RAD51B: variants seen among roughly 807,000 people sequenced by gnomAD.
RAD51B encodes DNA repair protein RAD51 homolog 2.
In RAD51B, 38 loss-of-function variants were observed where a neutral mutation model predicts 42.2. That is an observed-to-expected ratio of 0.90 (90% CI 0.70 to 1.18). The LOEUF (loss-of-function observed/expected upper bound fraction) is 1.18. RAD51B is among the 50% of genes most tolerant of loss of function. The pLI, the probability that RAD51B is intolerant of heterozygous loss-of-function variation, is 0.00. For synonymous variants in RAD51B, 154 were observed against 145.2 expected, an observed-to-expected ratio of 1.06 and a Z score of -0.43; for missense variants, 373 against 400.7, an observed-to-expected ratio of 0.93 and a Z score of 0.59.
intron 7 of RAD51B, among the ~76,000 whole-genome samples, chr14:68,208,286 A>G (rs2079635536): frequency 6.6e-6 from 1 of 152,200 alleles, no homozygotes; most frequent in East Asian, 1.9e-4. Context: ...TAAAGGTTAT[A>G]GTAATGGTAA....
chr14:68,562,290 T>C, intron 10 of RAD51B: 2 of 985,398 alleles, frequency 2.0e-6, no homozygotes, highest in Non-Finnish European at 2.4e-6. Flanking sequence ...AAAATGCCAC[T>C]TTTGAACGCC....
chr14:68,151,516 C>T (rs887666376), intron 7 of RAD51B, among the ~76,000 whole-genome samples: 1 of 151,988 alleles, frequency 6.6e-6, no homozygotes, highest in Non-Finnish European at 1.5e-5. Context: ...TCTACCTTCT[C>T]ATCTTTGGGG....
intron 7 of RAD51B, among the ~76,000 whole-genome samples, chr14:68,172,404 A>C (rs1191674454): frequency 6.6e-6 from 1 of 152,234 alleles, no homozygotes; most frequent in Non-Finnish European, 1.5e-5. Context: ...GGCCCAATTC[A>C]TAATTTCTAT....
intron 7 of RAD51B, among the ~76,000 whole-genome samples, chr14:68,094,659 T>A (rs2077162011): frequency 6.6e-6 from 1 of 152,140 alleles, no homozygotes; most frequent in Non-Finnish European, 1.5e-5. Context: ...AACAGAGGCC[T>A]TGGACAGACT....
At chr14:68,187,838 G>A (rs984138408) in intron 7 of RAD51B, among the ~76,000 whole-genome samples, 1 of 151,962 alleles carries the variant, frequency 6.6e-6, no homozygotes, top group Non-Finnish European at 1.5e-5. Context: ...TTTTTGAGGT[G>A]AAGTCTTGCT....
At chr14:68,410,021 T>C (rs1019035335) in intron 8 of RAD51B, among the ~76,000 whole-genome samples, 2 of 152,150 alleles carry the variant, frequency 1.3e-5, no homozygotes, top group African/African-American at 4.8e-5. Flanking sequence ...GAAATAGATA[T>C]ATATGGTTGG....
chr14:68,363,129 G>A (rs1191128141), intron 8 of RAD51B, among the ~76,000 whole-genome samples: 1 of 152,204 alleles, frequency 6.6e-6, no homozygotes, highest in Non-Finnish European at 1.5e-5. Context: ...CATTGCCACA[G>A]TTGAGACTTT....
At chr14:68,427,908 G>A (rs1309769037) in intron 9 of RAD51B, among the ~76,000 whole-genome samples, 4 of 152,210 alleles carry the variant, frequency 2.6e-5, no homozygotes, top group Non-Finnish European at 5.9e-5. Flanking sequence ...GTATTAAGAG[G>A]TGGGATCTTT....
intron 3 of RAD51B, among the ~76,000 whole-genome samples, chr14:67,834,116 A>G (rs936113122): frequency 6.6e-6 from 1 of 152,128 alleles, no homozygotes; most frequent in Non-Finnish European, 1.5e-5. Flanking sequence ...CTAGGGGATT[A>G]TCCGTTCCTT....
chr14:68,469,046 G>A (rs1281885047), intron 10 of RAD51B: 2 of 466,478 alleles, frequency 4.3e-6, no homozygotes, highest in African/African-American at 3.9e-5. Context: ...GGATGAGGAA[G>A]GATCTGCACA....
rs1195006184 is a variant in RAD51B at position 67,848,901 on chromosome 14, AAAAT to A, written c.315+13707_315+13710del. The stretch of plus-strand genomic sequence containing the variant: ...TTGTTGGTATTTCTTTTCTACACTG[AAAAT>A]AGGTCCCCACTCTCTTCTGGCTTGC... On this transcript the variant is annotated intron_variant, in intron 4 of 10. Coordinates refer to ENST00000471583, the MANE Select transcript of RAD51B (RefSeq NM_133510.4). Among the ~76,000 whole-genome samples the A allele has an allele frequency of 2.0e-5, 3 of 152,336 alleles. No individual in the cohort carries two copies. In the East Asian group the frequency reaches 5.8e-4, roughly 29 times the overall value.
Position 68,297,353 on chromosome 14 carries a change from T to C in RAD51B, c.853+5373T>C, listed in dbSNP as rs372226716. ...TTGCTATGATCAATGGTTTCTTTCA[T>C]TTCCGATAAAAAACACTGGTGTTTC... On this transcript the variant is annotated intron_variant, in intron 8 of 10. Coordinates refer to ENST00000471583, the MANE Select transcript of RAD51B (RefSeq NM_133510.4). 1.6e-4 allele frequency among the ~76,000 whole-genome samples: 25 copies of C among 152,368 alleles called. 1 individual carries two copies. In the East Asian group the frequency reaches 4.4e-3, roughly 27 times the overall value.
chr14:68,210,293 C>T (rs935340089), intron 7 of RAD51B, among the ~76,000 whole-genome samples: 19 of 152,038 alleles, frequency 1.2e-4, no homozygotes, highest in Admixed American at 1.3e-4. Flanking sequence ...TAGTTAGGAA[C>T]GTTGAGACCA....
chr14:68,259,585 A>G (rs1170703671), intron 7 of RAD51B, among the ~76,000 whole-genome samples: 1 of 152,174 alleles, frequency 6.6e-6, no homozygotes, highest in East Asian at 1.9e-4. Flanking sequence ...GAGACTGAAG[A>G]AGAATTAGAC....
At chr14:68,448,608 A>G (rs1381788218) in intron 9 of RAD51B, among the ~76,000 whole-genome samples, 2 of 152,226 alleles carry the variant, frequency 1.3e-5, no homozygotes, top group African/African-American at 2.4e-5. Context: ...CATTGTTTAT[A>G]CTTGCTGTAA....
chr14:68,519,819 C>T (rs1354387781), intron 10 of RAD51B, among the ~76,000 whole-genome samples: 1 of 152,118 alleles, frequency 6.6e-6, no homozygotes, highest in African/African-American at 2.4e-5. Flanking sequence ...CAGGATCTTT[C>T]CCAATCAGGC....
intron 7 of RAD51B, among the ~76,000 whole-genome samples, chr14:68,010,751 T>A (rs1421771330): frequency 1.3e-5 from 2 of 151,834 alleles, no homozygotes; most frequent in Non-Finnish European, 3.0e-5. Context: ...TGGAGAAAGG[T>A]AGAATTTAGT....
chr14:67,951,904 CT>C (rs1057121260), intron 7 of RAD51B, among the ~76,000 whole-genome samples: 13 of 152,228 alleles, frequency 8.5e-5, no homozygotes, highest in African/African-American at 3.1e-4. Context: ...CCTGGACCTC[CT>C]GTTATTTTGC....
chr14:68,402,648 T>C (rs2084142179), intron 8 of RAD51B, among the ~76,000 whole-genome samples: 1 of 152,190 alleles, frequency 6.6e-6, no homozygotes, highest in African/African-American at 2.4e-5. Context: ...AAAGAACCCA[T>C]GCCTGTGCTC....
Sources: gnomAD v4.1 joint callset for allele counts (sites outside exome capture counted in the v4.1 genomes callset) on GRCh38, gnomAD v4.1.1 for gene constraint, MANE v1.5 for transcripts, NCBI Gene and HGNC (gene_info 2026-07-23, HGNC 2026-07-21) for gene names.